The following OTC variants were observed in gnomAD, a reference collection of about 807,000 sequenced individuals.
The protein encoded by OTC is ornithine transcarbamylase, mitochondrial.
A neutral mutation model predicts 30.3 loss-of-function variants in OTC; 3 were observed. The ratio of observed to expected loss-of-function variants is 0.10; its 90% CI spans 0.05 to 0.26. The LOEUF (loss-of-function observed/expected upper bound fraction) is 0.26, where lower values mean the gene tolerates loss of function less well. OTC is among the 10% of genes least tolerant of loss of function. The probability of loss-of-function intolerance (pLI) is 1.00; values close to 1 mark genes in which losing one functional copy is unlikely to be tolerated. For missense variants in OTC, 194 were observed against 260.3 expected, an observed-to-expected ratio of 0.75 and a Z score of 1.75; for synonymous variants, 111 against 99.7, an observed-to-expected ratio of 1.11 and a Z score of -0.67.
the OTC span, among the ~76,000 whole-genome samples, chrX:38,336,003 T>C: frequency 9.0e-6 from 1 of 111,505 alleles, no homozygotes; most frequent in Non-Finnish European, 1.9e-5. Context: ...GAAATGTCCT[T>C]GAAGGCATAT....
At chrX:38,419,799 C>A (rs5963425) in intron 9 of OTC, among the ~76,000 whole-genome samples, 27,516 of 109,954 alleles carry the variant, frequency 0.25, 2,800 homozygotes, top group African/African-American at 0.33. Context: ...TATATGTGGA[C>A]TCTAAAAAAG....
In OTC at chrX:38,372,525, G is replaced by T. The variant is rs1427508387; in HGVS notation, c.298+2648G>T. On this transcript the variant is annotated intron_variant, in intron 3 of 9. Transcript: ENST00000039007. ...GGTGGCATTAAGCATTTTGTTAAAT[G>T]ATGGTTTTCTATAAAGAAATCCTTA... 5.3e-5 allele frequency among the ~76,000 whole-genome samples: 6 copies of T among 112,677 alleles called. No homozygotes were observed. In the East Asian group the frequency reaches 1.7e-3, roughly 31 times the overall value.
chrX:38,345,544 A>ATT, the OTC span, among the ~76,000 whole-genome samples: 2,319 of 99,698 alleles, frequency 0.023, 83 homozygotes, highest in African/African-American at 0.08. Context: ...CCTAAACCAT[A>ATT]TTTTTTTTTT....
At chrX:38,353,438 G>A (rs914492667) in intron 1 of OTC, among the ~76,000 whole-genome samples, 1 of 111,330 alleles carries the variant, frequency 9.0e-6, no homozygotes, top group Non-Finnish European at 1.9e-5. Context: ...AGTTAGCTGG[G>A]TAAACAAGGC....
At chrX:38,408,816 G>A in intron 7 of OTC, 21 bp downstream of exon 7, 1 of 1,205,678 alleles carries the variant, frequency 8.3e-7, no homozygotes, top group Non-Finnish European at 1.1e-6. Flanking sequence ...TACATGTAAA[G>A]CTATTATTGC....
chrX:38,389,654 GAC>G (rs1390116329), intron 4 of OTC, among the ~76,000 whole-genome samples: 1 of 110,645 alleles, frequency 9.0e-6, no homozygotes, highest in Non-Finnish European at 1.9e-5. Context: ...GATTACAAAA[GAC>G]AGTCTCTCAC....
At chrX:38,399,999 G>T (rs2068476915) in intron 4 of OTC, among the ~76,000 whole-genome samples, 1 of 111,426 alleles carries the variant, frequency 9.0e-6, no homozygotes, top group Admixed American at 9.5e-5. Context: ...ATAAGGATAA[G>T]AATTATATAG....
chrX:38,348,117 C>T (rs755412375), upstream of OTC, among the ~76,000 whole-genome samples: 1 of 111,993 alleles, frequency 8.9e-6, no homozygotes, highest in African/African-American at 3.2e-5. Context: ...TTTCAACATC[C>T]AATCAATTTT....
At chrX:38,403,556 T>C in intron 5 of OTC, 62 bp from the exon 6 acceptor site, 1 of 1,142,227 alleles carries the variant, frequency 8.8e-7, no homozygotes, top group Non-Finnish European at 1.2e-6. Flanking sequence ...TTAACCTTAG[T>C]AATTGCTACA....
intron 4 of OTC, among the ~76,000 whole-genome samples, chrX:38,382,729 A>G (rs767072399): frequency 8.9e-6 from 1 of 112,499 alleles, no homozygotes; most frequent in Non-Finnish European, 1.9e-5. Flanking sequence ...TGATCAAGGG[A>G]TGAAGCCAGA....
chrX:38,392,858 A>G (rs2068435686), intron 4 of OTC, among the ~76,000 whole-genome samples: 9 of 112,459 alleles, frequency 8.0e-5, no homozygotes, highest in Admixed American at 6.6e-4. Flanking sequence ...TTTTGTGCCT[A>G]CAGGGATATT....
intron 1 of OTC, among the ~76,000 whole-genome samples, chrX:38,356,222 T>G (rs2068240825): frequency 2.1e-5 from 1 of 47,249 alleles, no homozygotes; most frequent in Admixed American, 2.3e-4. Flanking sequence ...CCACTGATTT[T>G]TGAGTTTCAG....
At chrX:38,365,223 C>T (rs1284925703) in intron 1 of OTC, among the ~76,000 whole-genome samples, 2 of 112,778 alleles carry the variant, frequency 1.8e-5, no homozygotes, top group African/African-American at 6.4e-5. Flanking sequence ...CGTGGTGAAC[C>T]ACAATTTGCC....
At chrX:38,349,044 GA>G (rs752258855), upstream of OTC, among the ~76,000 whole-genome samples, 245 of 111,964 alleles carry the variant, frequency 2.2e-3, no homozygotes, top group Middle Eastern at 4.6e-3. Flanking sequence ...GGGCCAGGGG[GA>G]AAAGAAGAAG....
chrX:38,405,572 A>G (rs2068511661), intron 6 of OTC, among the ~76,000 whole-genome samples: 1 of 111,166 alleles, frequency 9.0e-6, no homozygotes, highest in Admixed American at 9.5e-5. Flanking sequence ...ATTTCCACAT[A>G]AGGTCACATT....
At chrX:38,382,551 A>G (rs2068381756) in intron 4 of OTC, among the ~76,000 whole-genome samples, 2 of 112,544 alleles carry the variant, frequency 1.8e-5, no homozygotes, top group Admixed American at 1.9e-4. Context: ...TGGGACAATG[A>G]AAGTATTAAG....
chrX:38,335,077 G>A, the OTC span, among the ~76,000 whole-genome samples: 1 of 112,164 alleles, frequency 8.9e-6, no homozygotes, highest in Admixed American at 9.4e-5. Context: ...TGGAAAAATT[G>A]TATTCCAGGA....
intron 3 of OTC, among the ~76,000 whole-genome samples, chrX:38,375,458 T>C: frequency 8.9e-6 from 1 of 111,770 alleles, no homozygotes; most frequent in Middle Eastern, 4.6e-3. Flanking sequence ...AGCCTGTCAA[T>C]AGATAGCTAT....
intron 5 of OTC, among the ~76,000 whole-genome samples, chrX:38,401,900 G>A (rs984374560): frequency 8.9e-6 from 1 of 111,837 alleles, no homozygotes; most frequent in African/African-American, 3.3e-5. Context: ...ATTTAAAGTA[G>A]GGTTAAGAAT....
Sources: allele counts gnomAD v4.1 joint callset (sites outside exome capture counted in the v4.1 genomes callset), GRCh38; gene constraint gnomAD v4.1.1; transcripts MANE v1.5; gene names NCBI Gene and HGNC (gene_info 2026-07-23, HGNC 2026-07-21).